RHOBTB1: variants seen among roughly 807,000 people sequenced by gnomAD.
RHOBTB1 encodes rho-related BTB domain-containing protein 1.
A neutral mutation model predicts 71.6 loss-of-function variants in RHOBTB1; 40 were observed. The ratio of observed to expected loss-of-function variants is 0.56; its 90% CI spans 0.43 to 0.73. The LOEUF (loss-of-function observed/expected upper bound fraction) is 0.73. RHOBTB1 is among the 30% of genes least tolerant of loss of function. The pLI is 0.00. For synonymous variants in RHOBTB1, 319 were observed against 334.9 expected (o/e 0.95, Z 0.52); for missense variants, 797 against 894.0 (o/e 0.89, Z 1.38).
chr10:60,918,284 G>A (rs1311243015), intron 2 of RHOBTB1, among the ~76,000 whole-genome samples: 2 of 152,142 alleles, frequency 1.3e-5, no homozygotes, highest in Non-Finnish European at 2.9e-5. Flanking sequence ...ACCTTAGTTA[G>A]CCTGGTCTCC....
chr10:60,943,285 T>C (rs1174035825), intron 1 of RHOBTB1, among the ~76,000 whole-genome samples: 1 of 152,160 alleles, frequency 6.6e-6, no homozygotes, highest in Admixed American at 6.5e-5. Context: ...CAGCTAACAG[T>C]AGGATCTAAT....
chr10:60,882,887 C>T (rs928980520), intron 7 of RHOBTB1, among the ~76,000 whole-genome samples: 1 of 152,194 alleles, frequency 6.6e-6, no homozygotes, highest in Non-Finnish European at 1.5e-5. Flanking sequence ...AAAACTCTAG[C>T]ATAATAGTCG....
At chr10:60,998,340 C>T (rs2087131794) in intron 1 of RHOBTB1, among the ~76,000 whole-genome samples, 1 of 152,222 alleles carries the variant, frequency 6.6e-6, no homozygotes, top group African/African-American at 2.4e-5. Flanking sequence ...CTATTCATCA[C>T]TGTGCTAGGC....
intron 2 of RHOBTB1, among the ~76,000 whole-genome samples, chr10:60,917,090 T>C (rs914518439): frequency 1.3e-5 from 2 of 152,224 alleles, no homozygotes; most frequent in Non-Finnish European, 2.9e-5. Flanking sequence ...AGACCTTTGA[T>C]TTTCAGAACT....
At chr10:60,959,686 C>G (rs2085714214) in intron 2 of RHOBTB1, among the ~76,000 whole-genome samples, 1 of 152,148 alleles carries the variant, frequency 6.6e-6, no homozygotes, top group Non-Finnish European at 1.5e-5. Context: ...CTGCCACTTT[C>G]CAGTTATGTG....
Position 60,982,350 on chromosome 10 carries a change from T to A in RHOBTB1, c.-62+3495A>T, listed in dbSNP as rs150202016. 1.4e-3 allele frequency among the ~76,000 whole-genome samples: 209 copies of A among 152,310 alleles called. 3 individuals are homozygous for A. The highest frequency in any genetic ancestry group is 0.01 in the Middle Eastern group (3 of 294). On this transcript the variant is annotated intron_variant, in intron 2 of 11. Transcript: ENST00000357917. ...CTCAGTACGGATACCATTTAGGTGATGTGGAGTTCCTTCTCAAATGACAAC... is the reference window on the plus strand; with the variant it reads ...CTCAGTACGGATACCATTTAGGTGAAGTGGAGTTCCTTCTCAAATGACAAC...
chr10:60,975,745 G>A (rs567446636), intron 2 of RHOBTB1, among the ~76,000 whole-genome samples: 5 of 152,156 alleles, frequency 3.3e-5, no homozygotes, highest in African/African-American at 9.6e-5. Context: ...ATCTCTCTTC[G>A]AAATGTTTCA....
intron 1 of RHOBTB1, among the ~76,000 whole-genome samples, chr10:60,998,653 A>T (rs973335738): frequency 1.3e-5 from 2 of 152,142 alleles, no homozygotes; most frequent in Non-Finnish European, 2.9e-5. Context: ...GGGAGAGCAT[A>T]TGCTGGGATC....
chr10:60,972,702 G>A (rs1390299584), intron 2 of RHOBTB1, among the ~76,000 whole-genome samples: 1 of 152,044 alleles, frequency 6.6e-6, no homozygotes, highest in Admixed American at 6.6e-5. Context: ...GAAAAAAAGA[G>A]AGAAAACTAA....
chr10:60,936,919 A>C (rs1272917087), intron 2 of RHOBTB1, among the ~76,000 whole-genome samples: 1 of 152,208 alleles, frequency 6.6e-6, no homozygotes, highest in Non-Finnish European at 1.5e-5. Flanking sequence ...ACTTCATAGC[A>C]CTGGGAAAGA....
At chr10:60,882,667 T>C (rs1312000108) in intron 7 of RHOBTB1, among the ~76,000 whole-genome samples, 4 of 151,984 alleles carry the variant, frequency 2.6e-5, no homozygotes, top group East Asian at 3.9e-4. Context: ...CTCAAGATAA[T>C]AGAAAGTTAA....
chr10:60,868,862 T>C (rs2080656484), downstream of RHOBTB1, among the ~76,000 whole-genome samples: 1 of 152,206 alleles, frequency 6.6e-6, no homozygotes, highest in South Asian at 2.1e-4. Flanking sequence ...GGACATCTCA[T>C]TGTTTTCTTT....
At chr10:61,000,197 A>G (rs2087209735) in intron 1 of RHOBTB1, among the ~76,000 whole-genome samples, 1 of 152,196 alleles carries the variant, frequency 6.6e-6, no homozygotes, top group African/African-American at 2.4e-5. Flanking sequence ...TAAATTGCCA[A>G]TACATGAAAA....
intron 7 of RHOBTB1, among the ~76,000 whole-genome samples, chr10:60,885,300 T>A (rs1327435747): frequency 6.6e-6 from 1 of 152,130 alleles, no homozygotes; most frequent in East Asian, 1.9e-4. Context: ...GTATAATAAT[T>A]ATTATTTGTC....
intron 2 of RHOBTB1, among the ~76,000 whole-genome samples, chr10:60,966,133 C>A (rs1428654798): frequency 2.0e-5 from 3 of 151,860 alleles, no homozygotes; most frequent in Non-Finnish European, 4.4e-5. Context: ...GGAATAATGT[C>A]TTGAAAAGAT....
At chr10:60,884,843 T>A (rs761631048) in intron 7 of RHOBTB1, among the ~76,000 whole-genome samples, 1 of 151,824 alleles carries the variant, frequency 6.6e-6, no homozygotes, top group Non-Finnish European at 1.5e-5. Flanking sequence ...AGGGGGTGAA[T>A]GGGGAAAGGA....
intron 2 of RHOBTB1, among the ~76,000 whole-genome samples, chr10:60,933,703 GA>G (rs926613702): frequency 1.2e-4 from 16 of 133,792 alleles, no homozygotes; most frequent in Admixed American, 3.0e-4. Context: ...CGTCAAAAAA[GA>G]AAAAAAAAAG....
intron 2 of RHOBTB1, among the ~76,000 whole-genome samples, chr10:60,963,792 A>C (rs539227211): frequency 6.6e-6 from 1 of 152,176 alleles, no homozygotes; most frequent in African/African-American, 2.4e-5. Flanking sequence ...TCCAAATTAC[A>C]AGTTCCCTGA....
intron 1 of RHOBTB1, among the ~76,000 whole-genome samples, chr10:60,992,416 G>A (rs1195516893): frequency 6.6e-6 from 1 of 152,132 alleles, no homozygotes; most frequent in Non-Finnish European, 1.5e-5. Context: ...AGGAATGAAG[G>A]ACAAAGTCCA....
Sources: gnomAD v4.1 joint callset for allele counts (sites outside exome capture counted in the v4.1 genomes callset) on GRCh38, gnomAD v4.1.1 for gene constraint, MANE v1.5 for transcripts, NCBI Gene and HGNC (gene_info 2026-07-23, HGNC 2026-07-21) for gene names.